The following RIDA variants were observed in gnomAD, a reference collection of about 807,000 sequenced individuals.
RIDA encodes the protein 2-iminobutanoate/2-iminopropanoate deaminase.
In RIDA, 17 loss-of-function variants were observed where a neutral mutation model predicts 17.8. The ratio of observed to expected loss-of-function variants is 0.96; its 90% CI spans 0.65 to 1.43. The LOEUF (loss-of-function observed/expected upper bound fraction) is 1.43. RIDA is among the 40% of genes most tolerant of loss of function. The pLI is 0.00. For synonymous variants in RIDA, 48 were observed against 55.7 expected (o/e 0.86, Z 0.62); for missense variants, 158 against 161.7 (o/e 0.98, Z 0.12).
rs572153522 is a variant in RIDA at position 98,104,998 on chromosome 8, A to G, written c.296-454T>C. ...AGTGCTGGGATTATAGGTGTGAGCC[A>G]CTGCTCCTGGCCTTAAGCAACATTT... On this transcript the variant is annotated intron_variant, in intron 4 of 5. Coordinates refer to ENST00000254878, the MANE Select transcript of RIDA (RefSeq NM_005836.3). Among the ~76,000 whole-genome samples, 112 of 152,190 alleles carry G rather than the reference A, an allele frequency of 7.4e-4. 2 individuals carry two copies. The South Asian group carries it at 0.022, about 30-fold the overall frequency.
At chr8:98,108,500 A>G (rs1586215576) in intron 2 of RIDA, 146 bp downstream of exon 2, 1 of 591,934 alleles carries the variant, frequency 1.7e-6, no homozygotes, top group Non-Finnish European at 3.0e-6. Flanking sequence ...CTTAGATCAA[A>G]AACTATGTTA....
intron 4 of RIDA, 115 bp downstream of exon 4, chr8:98,105,823 A>G (rs1366886616): frequency 1.2e-5 from 8 of 655,140 alleles, no homozygotes; most frequent in Non-Finnish European, 2.2e-5. Flanking sequence ...TTTAAGATCT[A>G]TGACCATTTC....
chr8:98,103,078 T>C (rs1815582256), intron 5 of RIDA, among the ~76,000 whole-genome samples, 174 bp from the exon 6 acceptor site: 1 of 152,242 alleles, frequency 6.6e-6, no homozygotes, highest in African/African-American at 2.4e-5. Flanking sequence ...CAGGTTACCA[T>C]GCTAGGTATA....
At chr8:98,115,884 G>A (rs994468021) in intron 1 of RIDA, among the ~76,000 whole-genome samples, 14 of 152,008 alleles carry the variant, frequency 9.2e-5, no homozygotes, top group Non-Finnish European at 1.6e-4. Context: ...AAAATGAAGT[G>A]AGCCATCTCA....
rs116242406 is a variant in RIDA at position 98,115,772 on chromosome 8, C to A, written c.65+1260G>T. Reference sequence around the variant, plus strand: ...AATATCTAGCTAAAATTTAATAATACCTTTTTTTAATTGAGTTTATTTTTT... The same window carrying A: ...AATATCTAGCTAAAATTTAATAATAACTTTTTTTAATTGAGTTTATTTTTT... On this transcript the variant is annotated intron_variant, in intron 1 of 5. Coordinates refer to ENST00000254878, the MANE Select transcript of RIDA (RefSeq NM_005836.3). Among the ~76,000 whole-genome samples, 780 of 152,202 alleles carry A rather than the reference C, an allele frequency of 5.1e-3. 8 individuals carry two copies. Among genetic ancestry groups the A allele is most frequent in the African/African-American group, 0.018 (747 of 41,538 alleles).
intron 5 of RIDA, among the ~76,000 whole-genome samples, chr8:98,103,643 T>C (rs889996472): frequency 6.7e-6 from 1 of 149,460 alleles, no homozygotes; most frequent in Admixed American, 6.7e-5. Context: ...TTCTCACAAT[T>C]TTTTTTTTTT....
intron 2 of RIDA, among the ~76,000 whole-genome samples, chr8:98,107,873 G>A (rs1815654759): frequency 6.6e-6 from 1 of 151,942 alleles, no homozygotes; most frequent in Non-Finnish European, 1.5e-5. Context: ...GGGTTCAAAC[G>A]ATTCTCATGC....
chr8:98,109,844 T>A (rs868664504), intron 1 of RIDA, among the ~76,000 whole-genome samples: 1 of 152,208 alleles, frequency 6.6e-6, no homozygotes, highest in Admixed American at 6.5e-5. Flanking sequence ...CTCAAACTCC[T>A]GGACTCAAGT....
intron 2 of RIDA, 61 bp from the exon 3 acceptor site, chr8:98,106,387 T>A: frequency 7.1e-7 from 1 of 1,409,136 alleles, no homozygotes; most frequent in East Asian, 2.3e-5. Flanking sequence ...TTTAATTAAA[T>A]TCAATTAATC....
intron 1 of RIDA, among the ~76,000 whole-genome samples, chr8:98,114,071 G>T (rs544266113): frequency 6.6e-6 from 1 of 152,330 alleles, no homozygotes; most frequent in East Asian, 1.9e-4. Flanking sequence ...GCCTGAGCCT[G>T]TAGCCCCAGC....
At chr8:98,105,024 T>TA (rs1457583048) in intron 4 of RIDA, among the ~76,000 whole-genome samples, 26 of 150,642 alleles carry the variant, frequency 1.7e-4, no homozygotes, top group African/African-American at 6.3e-4. Context: ...AGCAACATTT[T>TA]AAAAAAGAGG....
chr8:98,116,048 C>G (rs1815816522), intron 1 of RIDA, among the ~76,000 whole-genome samples: 1 of 152,188 alleles, frequency 6.6e-6, no homozygotes, highest in Non-Finnish European at 1.5e-5. Context: ...AAGCCATTCC[C>G]TCTACCTGAC....
intron 2 of RIDA, among the ~76,000 whole-genome samples, chr8:98,108,355 A>G (rs1399611539): frequency 6.6e-6 from 1 of 151,758 alleles, no homozygotes; most frequent in Non-Finnish European, 1.5e-5. Flanking sequence ...CTGAGAAGAA[A>G]ATTTCCCAAT....
intron 2 of RIDA, among the ~76,000 whole-genome samples, chr8:98,106,942 C>T (rs937159454): frequency 3.3e-5 from 5 of 152,110 alleles, no homozygotes; most frequent in African/African-American, 4.8e-5. Flanking sequence ...AAGCATATAC[C>T]GTGTAAAGAT....
chr8:98,112,418 T>C (rs1586217249), intron 1 of RIDA, among the ~76,000 whole-genome samples: 1 of 152,228 alleles, frequency 6.6e-6, no homozygotes, highest in African/African-American at 2.4e-5. Flanking sequence ...CTGTGTAGGG[T>C]GTAGGTGATT....
chr8:98,114,517 G>C (rs1815774405), intron 1 of RIDA, among the ~76,000 whole-genome samples: 1 of 145,282 alleles, frequency 6.9e-6, no homozygotes, highest in Non-Finnish European at 1.5e-5. Context: ...GGTATTTTTA[G>C]TAGAGACGGG....
At position 98,116,945 on chromosome 8, in the gene RIDA, C is replaced by G. The variant is rs1257589005; in HGVS notation, c.65+87G>C. On this transcript the variant is annotated intron_variant, in intron 1 of 5. Transcript: ENST00000254878. ...CAGGCTCAATTTCCTTGCGTGTTAG[C>G]TGGGGCTCCGGCCCGGAGTGGCCCC... 3 of 1,073,000 alleles carry G rather than the reference C, an allele frequency of 2.8e-6. No individual in the cohort carries two copies. In the African/African-American group the frequency reaches 4.7e-5, roughly 17 times the overall value. The allele number at this position is 1,073,000 out of a possible 1,614,324, so 66.5% of individuals were successfully genotyped here.
In RIDA at chr8:98,108,630, G is replaced by A. The variant is rs757334454; in HGVS notation, c.171+16C>T. The A allele has an allele frequency of 6.5e-7, 1 of 1,528,110 alleles. No homozygotes were observed. The highest frequency in any genetic ancestry group is 1.1e-5 in the South Asian group (1 of 89,368). The allele number at this position is 1,528,110 out of a possible 1,614,324, so 94.7% of individuals were successfully genotyped here. Reference sequence around the variant, plus strand: ...GGTAGTAGAAAAGGGAACCTTAAATGTGGAAAATAACTTACTTGTTTAGCT... The same window carrying A: ...GGTAGTAGAAAAGGGAACCTTAAATATGGAAAATAACTTACTTGTTTAGCT... On this transcript the variant is annotated intron_variant, in intron 2 of 5. Coordinates refer to ENST00000254878, the MANE Select transcript of RIDA (RefSeq NM_005836.3).
chr8:98,116,276 C>T (rs1044606554), intron 1 of RIDA, among the ~76,000 whole-genome samples: 2 of 152,178 alleles, frequency 1.3e-5, no homozygotes, highest in Admixed American at 6.5e-5. Flanking sequence ...ACCCCACTTG[C>T]CCTCTCACTT....
Sources: allele counts gnomAD v4.1 joint callset (sites outside exome capture counted in the v4.1 genomes callset), GRCh38; gene constraint gnomAD v4.1.1; transcripts MANE v1.5; gene names NCBI Gene and HGNC (gene_info 2026-07-23, HGNC 2026-07-21).